Variants in DRC11 observed in about 807,000 individuals in gnomAD.
DRC11 encodes dynein regulatory complex subunit 11.
the DRC11 span, among the ~76,000 whole-genome samples, chr2:236,493,053 A>C: frequency 1.3e-5 from 2 of 152,234 alleles, no homozygotes; most frequent in African/African-American, 4.8e-5. Flanking sequence ...TTTACAAAAG[A>C]AAGAGGTTTA....
chr2:236,432,694 T>C, the DRC11 span, among the ~76,000 whole-genome samples: 1 of 152,212 alleles, frequency 6.6e-6, no homozygotes, highest in African/African-American at 2.4e-5. Flanking sequence ...AATAATTCTC[T>C]CAGGGTGTCA....
At chr2:236,421,388 A>C in the DRC11 span, among the ~76,000 whole-genome samples, 1 of 152,164 alleles carries the variant, frequency 6.6e-6, no homozygotes, top group Non-Finnish European at 1.5e-5. Flanking sequence ...ATCACCACCG[A>C]CCCCACAGAA....
chr2:236,444,144 G>A, the DRC11 span, among the ~76,000 whole-genome samples: 1 of 152,204 alleles, frequency 6.6e-6, no homozygotes. Flanking sequence ...TAGGTTGTCT[G>A]TTCACTCTGA....
chr2:236,375,819 C>T, the DRC11 span, among the ~76,000 whole-genome samples: 4 of 152,182 alleles, frequency 2.6e-5, no homozygotes, highest in Non-Finnish European at 4.4e-5. This position sits in a 1 kb window ranked among gnomAD's most constrained non-coding sequence, Gnocchi z 4.2. Flanking sequence ...CACACTTCCT[C>T]ACAGAAGAAT....
chr2:236,371,377 AT>A, the DRC11 span, among the ~76,000 whole-genome samples: 1 of 152,146 alleles, frequency 6.6e-6, no homozygotes, highest in African/African-American at 2.4e-5. This position sits in a 1 kb window ranked among gnomAD's most constrained non-coding sequence, Gnocchi z 5.1. Context: ...CTGGGTCCTC[AT>A]CTCGTTAATG....
chr2:236,359,022 T>G, the DRC11 span, among the ~76,000 whole-genome samples: 2 of 151,600 alleles, frequency 1.3e-5, no homozygotes, highest in African/African-American at 4.9e-5. The surrounding 1 kb of genome is among the most constrained non-coding windows in gnomAD (Gnocchi z 4.3). Flanking sequence ...GTATCCGCCT[T>G]GCCAGTGAGA....
At chr2:236,395,634 C>G in the DRC11 span, among the ~76,000 whole-genome samples, 1 of 152,126 alleles carries the variant, frequency 6.6e-6, no homozygotes, top group Admixed American at 6.5e-5. Context: ...AGGAATAACA[C>G]GTAGTGATAA....
chr2:236,329,816 A>C, the DRC11 span, among the ~76,000 whole-genome samples: 1 of 152,202 alleles, frequency 6.6e-6, no homozygotes, highest in Non-Finnish European at 1.5e-5. Flanking sequence ...AAATGAATAG[A>C]GCAAACAAAT....
chr2:236,353,091 T>C, the DRC11 span, among the ~76,000 whole-genome samples: 54 of 152,252 alleles, frequency 3.5e-4, no homozygotes, highest in African/African-American at 1.3e-3. The surrounding 1 kb of genome is among the most constrained non-coding windows in gnomAD (Gnocchi z 5.0). Context: ...TGAAAAATGG[T>C]ATCCTTTGCT....
chr2:236,430,140 A>G, the DRC11 span, among the ~76,000 whole-genome samples: 1 of 152,104 alleles, frequency 6.6e-6, no homozygotes, highest in Admixed American at 6.5e-5. This position sits in a 1 kb window ranked among gnomAD's most constrained non-coding sequence, Gnocchi z 6.0. Context: ...AAGTCAACCC[A>G]AATACTTTGG....
chr2:236,311,450 C>T, the DRC11 span, among the ~76,000 whole-genome samples: 9 of 152,198 alleles, frequency 5.9e-5, no homozygotes, highest in Non-Finnish European at 1.3e-4. The surrounding 1 kb of genome is among the most constrained non-coding windows in gnomAD (Gnocchi z 6.9). Context: ...AAGAGTGAGC[C>T]TTGTCCTTCA....
At chr2:236,360,842 T>G in the DRC11 span, among the ~76,000 whole-genome samples, 1 of 152,010 alleles carries the variant, frequency 6.6e-6, no homozygotes, top group Non-Finnish European at 1.5e-5. This position sits in a 1 kb window ranked among gnomAD's most constrained non-coding sequence, Gnocchi z 5.8. Flanking sequence ...ACAGACGAAG[T>G]CAAAATAGAC....
chr2:236,496,788 G>A, the DRC11 span, among the ~76,000 whole-genome samples: 2 of 152,202 alleles, frequency 1.3e-5, no homozygotes, highest in East Asian at 3.9e-4. This position sits in a 1 kb window ranked among gnomAD's most constrained non-coding sequence, Gnocchi z 6.3. Flanking sequence ...AGGCTACAGA[G>A]AGATTCCATG....
chr2:236,468,534 A>G, the DRC11 span, among the ~76,000 whole-genome samples: 2 of 152,224 alleles, frequency 1.3e-5, no homozygotes, highest in African/African-American at 4.8e-5. Context: ...TTGCCCCAAT[A>G]AAGGTACTCA....
At chr2:236,446,029 C>G in the DRC11 span, among the ~76,000 whole-genome samples, 9 of 152,124 alleles carry the variant, frequency 5.9e-5, no homozygotes, top group Non-Finnish European at 8.8e-5. The surrounding 1 kb of genome is among the most constrained non-coding windows in gnomAD (Gnocchi z 6.2). Flanking sequence ...GACTTGGCCA[C>G]TTAGAGCATG....
At chr2:236,317,798 C>T in the DRC11 span, among the ~76,000 whole-genome samples, 1 of 152,196 alleles carries the variant, frequency 6.6e-6, no homozygotes, top group Non-Finnish European at 1.5e-5. The surrounding 1 kb of genome is among the most constrained non-coding windows in gnomAD (Gnocchi z 5.4). Flanking sequence ...TATTTGTCTC[C>T]TCCAAAACTC....
At chr2:236,363,668 T>A in the DRC11 span, 1 of 831,252 alleles carries the variant, frequency 1.2e-6, no homozygotes, top group Non-Finnish European at 2.0e-6. The surrounding 1 kb of genome is among the most constrained non-coding windows in gnomAD (Gnocchi z 5.6). Flanking sequence ...GAGTAGACAA[T>A]GAGGAAATTT....
the DRC11 span, among the ~76,000 whole-genome samples, chr2:236,462,783 G>A: frequency 5.3e-5 from 8 of 152,192 alleles, no homozygotes; most frequent in Non-Finnish European, 8.8e-5. The surrounding 1 kb of genome is among the most constrained non-coding windows in gnomAD (Gnocchi z 6.4). Context: ...GTCAGATGCA[G>A]TAAGGAGAAG....
chr2:236,368,362 A>G, the DRC11 span: 8 of 989,152 alleles, frequency 8.1e-6, no homozygotes, highest in South Asian at 1.5e-5. Flanking sequence ...GAGCTGCATA[A>G]TTTTGGCATC....
Sources: gnomAD v4.1 joint callset for allele counts (sites outside exome capture counted in the v4.1 genomes callset) on GRCh38, gnomAD v4.1.1 for gene constraint, Gnocchi (gnomAD v3.1) non-coding constraint, MANE v1.5 for transcripts, NCBI Gene and HGNC (gene_info 2026-07-23, HGNC 2026-07-21) for gene names.